ST6GALNAC3: variants seen among roughly 807,000 people sequenced by gnomAD.
ST6GALNAC3 encodes alpha-N-acetylgalactosaminide alpha-2,6-sialyltransferase 3.
ST6GALNAC3 carries 25 observed loss-of-function variants against 32.7 expected under a neutral mutation model. That is an observed-to-expected ratio of 0.76 (90% CI 0.56 to 1.07). ST6GALNAC3 has a LOEUF of 1.07. Among genes scored for constraint, ST6GALNAC3 ranks in the 50% least tolerant of loss-of-function variants. The pLI, the probability that ST6GALNAC3 is intolerant of heterozygous loss-of-function variation, is 0.00. For missense variants in ST6GALNAC3, 355 were observed against 382.4 expected (o/e 0.93, Z 0.60); for synonymous variants, 129 against 133.1 (o/e 0.97, Z 0.21).
intron 3 of ST6GALNAC3, among the ~76,000 whole-genome samples, chr1:76,558,247 A>G (rs934779766): frequency 6.6e-6 from 1 of 152,194 alleles, no homozygotes; most frequent in East Asian, 1.9e-4. Context: ...TACTGGGTAT[A>G]TACCCAAAGG....
At chr1:76,616,196 A>G (rs1418335964) in intron 3 of ST6GALNAC3, among the ~76,000 whole-genome samples, 2 of 152,176 alleles carry the variant, frequency 1.3e-5, no homozygotes, top group African/African-American at 4.8e-5. Context: ...CCACTTCCAC[A>G]AAAGAAATTC....
At chr1:76,088,152 T>C (rs775484317) in intron 1 of ST6GALNAC3, among the ~76,000 whole-genome samples, 7 of 151,982 alleles carry the variant, frequency 4.6e-5, no homozygotes, top group Non-Finnish European at 8.8e-5. Flanking sequence ...GTAAGGAAAC[T>C]GAGGCACATA....
rs565523528 is a variant in ST6GALNAC3, at chr1:76,512,684, A to G, written c.623+100267A>G. On this transcript the variant is annotated intron_variant, in intron 3 of 4. Coordinates refer to ENST00000328299, the MANE Select transcript of ST6GALNAC3 (RefSeq NM_152996.4). The stretch of plus-strand genomic sequence containing the variant: ...GACTTATTCCTCCTGTCTAATTGTA[A>G]CTTTGTACCCGTTGACCAGCCTCTC... 2.0e-5 allele frequency among the ~76,000 whole-genome samples: 3 copies of G among 152,198 alleles called. No individual in the cohort carries two copies. The East Asian group carries it at 5.8e-4, about 29-fold the overall frequency.
intron 1 of ST6GALNAC3, among the ~76,000 whole-genome samples, chr1:76,214,357 T>G (rs1655338564): frequency 6.6e-6 from 1 of 152,116 alleles, no homozygotes; most frequent in Non-Finnish European, 1.5e-5. Context: ...TGCAATACAA[T>G]TGCCAAATTT....
intron 2 of ST6GALNAC3, among the ~76,000 whole-genome samples, chr1:76,326,826 G>GTTTTTTTT (rs11331532): frequency 7.9e-5 from 9 of 113,402 alleles, no homozygotes; most frequent in East Asian, 2.7e-4. Flanking sequence ...GAAGTTTTGG[G>GTTTTTTTT]TTTTTTTTTT....
intron 3 of ST6GALNAC3, among the ~76,000 whole-genome samples, chr1:76,553,044 C>G (rs535238863): frequency 1.3e-5 from 2 of 152,140 alleles, no homozygotes; most frequent in South Asian, 4.2e-4. Context: ...AATAGATTTT[C>G]TAATGTTGAA....
intron 1 of ST6GALNAC3, among the ~76,000 whole-genome samples, chr1:76,175,303 A>G (rs1381134841): frequency 6.6e-6 from 1 of 152,020 alleles, no homozygotes; most frequent in East Asian, 1.9e-4. Flanking sequence ...GTTTTTTCCT[A>G]CCCTCTCCCA....
intron 1 of ST6GALNAC3, among the ~76,000 whole-genome samples, chr1:76,077,014 T>G (rs1646825496): frequency 6.6e-6 from 1 of 152,154 alleles, no homozygotes; most frequent in East Asian, 1.9e-4. Flanking sequence ...AGCAATCCCC[T>G]TCTCTGGTCA....
At chr1:76,307,902 A>G (rs760040831) in intron 1 of ST6GALNAC3, 3 of 516,420 alleles carry the variant, frequency 5.8e-6, no homozygotes, top group Admixed American at 1.9e-5. Context: ...TATTTCTCCT[A>G]TGAAGTCTGA....
chr1:76,562,724 T>C (rs906547681), intron 3 of ST6GALNAC3, among the ~76,000 whole-genome samples: 1 of 152,230 alleles, frequency 6.6e-6, no homozygotes, highest in East Asian at 1.9e-4. Context: ...TATATTACTA[T>C]GATAATGTTT....
At chr1:76,539,674 A>AT (rs1187105592) in intron 3 of ST6GALNAC3, among the ~76,000 whole-genome samples, 1 of 151,366 alleles carries the variant, frequency 6.6e-6, no homozygotes, top group African/African-American at 2.4e-5. Context: ...AAGAAAAAAA[A>AT]ACCCCATCGA....
At chr1:76,181,656 A>G (rs2100463029) in intron 1 of ST6GALNAC3, among the ~76,000 whole-genome samples, 1 of 152,308 alleles carries the variant, frequency 6.6e-6, no homozygotes, top group East Asian at 1.9e-4. Flanking sequence ...CCAAAAAAAT[A>G]TGGTTATGTG....
intron 2 of ST6GALNAC3, among the ~76,000 whole-genome samples, chr1:76,403,261 T>G (rs1653566319): frequency 6.6e-6 from 1 of 152,126 alleles, no homozygotes; most frequent in African/African-American, 2.4e-5. Context: ...TTCTCATGCT[T>G]GGCACTACAT....
chr1:76,294,565 G>A (rs1382830824), intron 1 of ST6GALNAC3, among the ~76,000 whole-genome samples: 1 of 152,054 alleles, frequency 6.6e-6, no homozygotes, highest in African/African-American at 2.4e-5. Context: ...GAATAAAACT[G>A]TCTGCCTTTC....
intron 3 of ST6GALNAC3, among the ~76,000 whole-genome samples, chr1:76,499,058 A>G (rs1661024013): frequency 6.6e-6 from 1 of 152,210 alleles, no homozygotes; most frequent in African/African-American, 2.4e-5. Context: ...ATAGCAATAA[A>G]ATGTATAAAC....
At chr1:76,579,572 T>C (rs928696706) in intron 3 of ST6GALNAC3, among the ~76,000 whole-genome samples, 1 of 152,068 alleles carries the variant, frequency 6.6e-6, no homozygotes, top group African/African-American at 2.4e-5. Context: ...GTCCATAGAT[T>C]GATTTATCTT....
intron 3 of ST6GALNAC3, among the ~76,000 whole-genome samples, chr1:76,626,165 T>C (rs1369942026): frequency 6.6e-6 from 1 of 151,850 alleles, no homozygotes; most frequent in South Asian, 2.1e-4. Context: ...TACTGGGATG[T>C]GCATCAACAA....
At chr1:76,462,251 G>C (rs1189747953) in intron 3 of ST6GALNAC3, among the ~76,000 whole-genome samples, 1 of 151,648 alleles carries the variant, frequency 6.6e-6, no homozygotes, top group Non-Finnish European at 1.5e-5. Context: ...AAAAAAATGT[G>C]TACATACGTG....
chr1:76,445,270 A>G (rs1215382950), intron 3 of ST6GALNAC3, among the ~76,000 whole-genome samples: 1 of 152,150 alleles, frequency 6.6e-6, no homozygotes, highest in African/African-American at 2.4e-5. Flanking sequence ...GTCCCAGATC[A>G]GCAGTAGCAG....
Sources: allele counts gnomAD v4.1 joint callset (sites outside exome capture counted in the v4.1 genomes callset), GRCh38; gene constraint gnomAD v4.1.1; transcripts MANE v1.5; gene names NCBI Gene and HGNC (gene_info 2026-07-23, HGNC 2026-07-21).